The following PIK3CG variants were observed in gnomAD, a reference collection of about 807,000 sequenced individuals.
PIK3CG encodes the protein phosphatidylinositol 4,5-bisphosphate 3-kinase catalytic subunit gamma isoform.
PIK3CG carries 55 observed loss-of-function variants against 102.3 expected under a neutral mutation model. The observed-to-expected ratio is 0.54, with a 90% CI of 0.43 to 0.67. PIK3CG has a LOEUF of 0.67. Among genes scored for constraint, PIK3CG ranks in the 30% least tolerant of loss-of-function variants. The pLI is 0.00. For missense variants in PIK3CG, 1,258 were observed against 1,391.8 expected (o/e 0.90, Z 1.53); for synonymous variants, 552 against 540.0 (o/e 1.02, Z -0.31).
In PIK3CG at chr7:106,872,098, T is replaced by C. The variant is rs1056391333; in HGVS notation, c.1996-439T>C. Among the ~76,000 whole-genome samples, 4 of 152,216 alleles carry C rather than the reference T, an allele frequency of 2.6e-5. No homozygotes were observed. Among genetic ancestry groups the C allele is most frequent in the African/African-American group, 4.8e-5 (2 of 41,464 alleles). On this transcript the variant is annotated intron_variant, in intron 2 of 10. Transcript: ENST00000496166. This position sits in a 1 kb window ranked among gnomAD's most constrained non-coding sequence, Gnocchi z 5.3. ...GGATCTTTCCATCTAACAAATATTTTTCTCCTTACGTGTATTATACTATAT... is the reference window on the plus strand; with the variant it reads ...GGATCTTTCCATCTAACAAATATTTCTCTCCTTACGTGTATTATACTATAT...
At position 106,893,672 on chromosome 7, in the gene PIK3CG, T is replaced by C. The variant is rs1010129779; in HGVS notation, c.3030+7380T>C. ...TGTTTTCTTTTAAATTTTCTGAACA[T>C]TGACTACAGTTAACAGATTATGTCC... On this transcript the variant is annotated intron_variant, in intron 10 of 10. Coordinates refer to ENST00000496166, the MANE Select transcript of PIK3CG (RefSeq NM_001282426.2). The surrounding 1 kb of genome is among the most constrained non-coding windows in gnomAD (Gnocchi z 4.4). Among the ~76,000 whole-genome samples, 1 of 152,236 alleles carries C rather than the reference T, an allele frequency of 6.6e-6. No homozygotes were observed. Among genetic ancestry groups the C allele is most frequent in the Non-Finnish European group, 1.5e-5 (1 of 68,030 alleles).
intron 10 of PIK3CG, among the ~76,000 whole-genome samples, chr7:106,901,759 C>T (rs1791561809): frequency 6.6e-6 from 1 of 152,160 alleles, no homozygotes; most frequent in African/African-American, 2.4e-5. Flanking sequence ...TTCACCAGGC[C>T]AAGGCTTTGT....
chr7:106,898,094 A>T (rs918428648), intron 10 of PIK3CG, among the ~76,000 whole-genome samples: 4 of 151,936 alleles, frequency 2.6e-5, no homozygotes, highest in African/African-American at 9.7e-5. Flanking sequence ...GGGAGATGGT[A>T]TCTCATTGTG....
chr7:106,885,642 T>C (rs1791064562), intron 9 of PIK3CG, among the ~76,000 whole-genome samples: 1 of 152,140 alleles, frequency 6.6e-6, no homozygotes, highest in Non-Finnish European at 1.5e-5. Context: ...CAAAGGAGAC[T>C]CAAAATGATT....
In PIK3CG at chr7:106,869,234, T is replaced by G. The variant is rs749631229; in HGVS notation, c.1673T>G (p.Ile558Ser). Residue 558 changes from isoleucine (I) to serine (S), a missense_variant, in exon 2 of 11, where the codon ATC (isoleucine) becomes AGC (serine). This residue lies in a region of PIK3CG where 832 missense variants were observed against 787.5 expected (regional missense o/e 1.06). Transcript: ENST00000496166. This position sits in a 1 kb window ranked among gnomAD's most constrained non-coding sequence, Gnocchi z 5.3. ...PNQLRKQLEA[I>S]IATDPLNPLT... ...CAGCTTCGCAAGCAATTGGAGGCGA[T>G]CATAGCCACTGATCCACTTAACCCT... 5 of 1,614,192 alleles carry G rather than the reference T, an allele frequency of 3.1e-6. No individual in the cohort carries two copies. In the South Asian group the frequency reaches 5.5e-5, roughly 18 times the overall value.
intron 7 of PIK3CG, 91 bp from the exon 8 acceptor site, chr7:106,882,942 C>A (rs2116542245): frequency 9.4e-5 from 76 of 812,168 alleles, no homozygotes; most frequent in Middle Eastern, 2.9e-4. Context: ...AAAAAACCCT[C>A]TGCCCTTCAC....
At position 106,867,883 on chromosome 7, in the gene PIK3CG, G is replaced by T. The variant is rs769318398; in HGVS notation, c.322G>T (p.Glu108Ter). 1 of 1,613,134 alleles carries T rather than the reference G, an allele frequency of 6.2e-7. No homozygotes were observed. Among genetic ancestry groups the T allele is most frequent in the Non-Finnish European group, 8.5e-7 (1 of 1,179,964 alleles). Residue 108 changes from glutamate to a stop codon, truncating the protein, a stop_gained, in exon 2 of 11, where the codon GAG becomes TAG. Transcript: ENST00000496166. LOFTEE classifies it high-confidence loss of function. This position sits in a 1 kb window ranked among gnomAD's most constrained non-coding sequence, Gnocchi z 5.1. ...CTATCAGAAGAAGGGGCAGTGGTAC[G>T]AGATCTACGACAAGTACCAGGTGGT... is the stretch of plus-strand genomic sequence containing the variant. ...LLYQKKGQWYEIYDKYQVVQT... is the reference protein window; with the variant it reads ...LLYQKKGQWY
In PIK3CG at chr7:106,877,653, A is replaced by C. The variant is rs914095906; in HGVS notation, c.2392-1866A>C. 6.7e-6 allele frequency among the ~76,000 whole-genome samples: 1 copy of C among 150,208 alleles called. No homozygotes were observed. The highest frequency in any genetic ancestry group is 1.5e-5 in the Non-Finnish European group (1 of 67,514). On this transcript the variant is annotated intron_variant, in intron 5 of 10. Transcript: ENST00000496166. The surrounding 1 kb of genome is among the most constrained non-coding windows in gnomAD (Gnocchi z 4.5). ...TGTTTTGTTTTGTTTTTCCTGGAGA[A>C]CTACCTTGGCACCTTTGTCAAGTAT...
At position 106,867,873 on chromosome 7, in the gene PIK3CG, G is replaced by T. The variant is rs761245286; in HGVS notation, c.312G>T (p.Gly104=). ...HHFLLLYQKK[G]QWYEIYDKYQ... ...TCCTCCTGCTCTATCAGAAGAAGGG[G>T]CAGTGGTACGAGATCTACGACAAGT... The change falls in exon 2 of 11, where the codon GGG becomes GGT. Residue 104 remains glycine (G), a synonymous_variant. Transcript: ENST00000496166. The surrounding 1 kb of genome is among the most constrained non-coding windows in gnomAD (Gnocchi z 5.1). 1 of 1,613,086 alleles carries T rather than the reference G, an allele frequency of 6.2e-7. No individual in the cohort carries two copies.
chr7:106,869,374 G>A lies in PIK3CG; in HGVS notation c.1813G>A (p.Ala605Thr), dbSNP rs779006938. The A allele has an allele frequency of 1.9e-6, 3 of 1,614,236 alleles. No individual in the cohort carries two copies. Among genetic ancestry groups the A allele is most frequent in the South Asian group, 2.2e-5 (2 of 91,088 alleles). ...GAAATGGGGACAGCAAGAAATTGTG[G>A]CCAAAACATACCAATTGTTGGCCAG... Reference protein sequence around the residue: ...SVKWGQQEIVAKTYQLLARRE... With the variant: ...SVKWGQQEIVTKTYQLLARRE... Residue 605 changes from alanine (A) to threonine (T), a missense_variant, in exon 2 of 11, where the codon GCC becomes ACC. By Grantham distance (58) the Ala-to-Thr change is moderately conservative. Transcript: ENST00000496166. The surrounding 1 kb of genome is among the most constrained non-coding windows in gnomAD (Gnocchi z 5.3).
chr7:106,876,142 C>T (rs1174792423), intron 5 of PIK3CG, among the ~76,000 whole-genome samples: 1 of 150,930 alleles, frequency 6.6e-6, no homozygotes, highest in Admixed American at 6.6e-5. Context: ...TCTCGATCTC[C>T]TGACCTCATG....
Position 106,867,944 on chromosome 7 carries a change from C to CG in PIK3CG, c.384dup (p.His129AlafsTer33), listed in dbSNP as rs1212494375. 1 of 1,612,964 alleles carries CG rather than the reference C, an allele frequency of 6.2e-7. No homozygotes were observed. The highest frequency in any genetic ancestry group is 8.5e-7 in the Non-Finnish European group (1 of 1,179,858). On this transcript the variant is annotated frameshift_variant, in exon 2 of 11. Coordinates refer to ENST00000496166, the MANE Select transcript of PIK3CG (RefSeq NM_001282426.2). LOFTEE classifies it high-confidence loss of function. The surrounding 1 kb of genome is among the most constrained non-coding windows in gnomAD (Gnocchi z 5.1). ...GACTGCCTGCGCTACTGGAAGGCCACGCACCGGAGCCCGGGCCAGATCCAC... is the reference window on the plus strand; with the variant it reads ...GACTGCCTGCGCTACTGGAAGGCCACGGCACCGGAGCCCGGGCCAGATCCAC...
rs1791351304 is a variant in PIK3CG, at chr7:106,894,415, T to C, written c.3030+8123T>C. 6.6e-6 allele frequency among the ~76,000 whole-genome samples: 1 copy of C among 152,212 alleles called. No individual in the cohort carries two copies. ...CTGGTAAACAGAGCTAGTCTGAGAA[T>C]CACTTTTCAAGTACTTACAGATAAA... On this transcript the variant is annotated intron_variant, in intron 10 of 10. Coordinates refer to ENST00000496166, the MANE Select transcript of PIK3CG (RefSeq NM_001282426.2). The surrounding 1 kb of genome is among the most constrained non-coding windows in gnomAD (Gnocchi z 4.4).
At position 106,905,259 on chromosome 7, in the gene PIK3CG, G is replaced by A. The variant is rs1791658222; in HGVS notation, c.3181G>A (p.Glu1061Lys). 1 of 1,614,146 alleles carries A rather than the reference G, an allele frequency of 6.2e-7. No individual in the cohort carries two copies. The highest frequency in any genetic ancestry group is 8.5e-7 in the Non-Finnish European group (1 of 1,180,000). Residue 1061 changes from glutamate (E) to lysine (K), a missense_variant, in exon 11 of 11, where the codon GAG becomes AAG. By Grantham distance (56) the Glu-to-Lys change is moderately conservative. Coordinates refer to ENST00000496166, the MANE Select transcript of PIK3CG (RefSeq NM_001282426.2). This position sits in a 1 kb window ranked among gnomAD's most constrained non-coding sequence, Gnocchi z 5.6. ...GGATGCCCTCACAGTGGGGAAAAATGAGGAGGATGCTAAAAAGTATTTTCT... is the reference window on the plus strand; with the variant it reads ...GGATGCCCTCACAGTGGGGAAAAATAAGGAGGATGCTAAAAAGTATTTTCT... ...IRDALTVGKN[E>K]EDAKKYFLDQ...
intron 5 of PIK3CG, among the ~76,000 whole-genome samples, chr7:106,875,029 T>C (rs1450593084): frequency 2.0e-5 from 3 of 152,164 alleles, no homozygotes; most frequent in Non-Finnish European, 4.4e-5. Flanking sequence ...ATATTCTTTG[T>C]ATACAATAAA....
Position 106,867,482 on chromosome 7 carries a change from A to C in PIK3CG, c.-12-68A>C. ...CGCCGCCTATACCTCCTCTTCCCTC[A>C]TCTCACCAGAAAATATAAGGGGAAA... is the stretch of plus-strand genomic sequence containing the variant. On this transcript the variant is annotated intron_variant, in intron 1 of 10. Coordinates refer to ENST00000496166, the MANE Select transcript of PIK3CG (RefSeq NM_001282426.2). This position sits in a 1 kb window ranked among gnomAD's most constrained non-coding sequence, Gnocchi z 5.1. 7.1e-7 allele frequency: 1 copy of C among 1,413,302 alleles called. No homozygotes were observed. Among genetic ancestry groups the C allele is most frequent in the African/African-American group, 1.4e-5 (1 of 69,688 alleles). The allele number at this position is 1,413,302 out of a possible 1,614,324, so 87.5% of individuals were successfully genotyped here.
Position 106,874,669 on chromosome 7 carries a change from C to A in PIK3CG, c.2288-31C>A. ...TAATATTGATGATTTCTGGAACTCA[C>A]ATAACTCTTGTGTACTTTTGACAAT... On this transcript the variant is annotated intron_variant, in intron 4 of 10. Coordinates refer to ENST00000496166, the MANE Select transcript of PIK3CG (RefSeq NM_001282426.2). The surrounding 1 kb of genome is among the most constrained non-coding windows in gnomAD (Gnocchi z 4.3). 1 of 1,336,476 alleles carries A rather than the reference C, an allele frequency of 7.5e-7. No individual in the cohort carries two copies. The highest frequency in any genetic ancestry group is 2.3e-5 in the East Asian group (1 of 43,660). The allele number at this position is 1,336,476 out of a possible 1,614,324, so 82.8% of individuals were successfully genotyped here.
chr7:106,903,891 T>C lies in PIK3CG; in HGVS notation c.3031-1218T>C, dbSNP rs568095989. ...CTCTTGCCTCAGCCTCCTGAGTAACTGGGATTACAGACACATGCCACCACA... is the reference window on the plus strand; with the variant it reads ...CTCTTGCCTCAGCCTCCTGAGTAACCGGGATTACAGACACATGCCACCACA... On this transcript the variant is annotated intron_variant, in intron 10 of 10. Transcript: ENST00000496166. This position sits in a 1 kb window ranked among gnomAD's most constrained non-coding sequence, Gnocchi z 4.3. Among the ~76,000 whole-genome samples, 69 of 152,132 alleles carry C rather than the reference T, an allele frequency of 4.5e-4. No individual in the cohort carries two copies. Among genetic ancestry groups the C allele is most frequent in the African/African-American group, 1.6e-3 (66 of 41,532 alleles).
rs1791665880 is a variant in PIK3CG at position 106,905,596 on chromosome 7, C to G, written c.*209C>G. ...CAATGTCCAGTGCTAGGATTATTTG[C>G]AGGTTTGGTTTTTTCTCATTTGTCT... On this transcript the variant is annotated 3_prime_UTR_variant, in exon 11 of 11. Transcript: ENST00000496166. This position sits in a 1 kb window ranked among gnomAD's most constrained non-coding sequence, Gnocchi z 5.6. The G allele has an allele frequency of 1.8e-6, 1 of 557,410 alleles. No individual in the cohort carries two copies. The highest frequency in any genetic ancestry group is 3.4e-5 in the Admixed American group (1 of 29,316). The allele number at this position is 557,410 out of a possible 1,614,324, so 34.5% of individuals were successfully genotyped here. A position where few individuals can be genotyped will look rare whatever the true frequency, so the allele number is the denominator to read the frequency against.
Sources: allele counts gnomAD v4.1 joint callset (sites outside exome capture counted in the v4.1 genomes callset), GRCh38; gene constraint gnomAD v4.1.1; regional missense constraint gnomAD v4.1.1; non-coding constraint Gnocchi (gnomAD v3.1); transcripts MANE v1.5; gene names NCBI Gene and HGNC (gene_info 2026-07-23, HGNC 2026-07-21).